The following ST3GAL1 variants were observed in gnomAD, a reference collection of about 807,000 sequenced individuals.
ST3GAL1 encodes the protein CMP-N-acetylneuraminate-beta-galactosamide-alpha-2,3-sialyltransferase 1.
A neutral mutation model predicts 34.1 loss-of-function variants in ST3GAL1; 16 were observed. The ratio of observed to expected loss-of-function variants is 0.47; its 90% CI spans 0.32 to 0.71. The LOEUF (loss-of-function observed/expected upper bound fraction) is 0.71, where lower values mean the gene tolerates loss of function less well. Among genes scored for constraint, ST3GAL1 ranks in the 30% least tolerant of loss-of-function variants. The pLI, the probability that ST3GAL1 is intolerant of heterozygous loss-of-function variation, is 0.04. For missense variants in ST3GAL1, 353 were observed against 447.4 expected (o/e 0.79, Z 1.90); for synonymous variants, 191 against 184.7 (o/e 1.03, Z -0.28).
Position 133,462,005 on chromosome 8 carries a change from G to A in ST3GAL1, c.730-11C>T. On this transcript the variant is annotated splice_polypyrimidine_tract_variant and intron_variant, in intron 8 of 9. Coordinates refer to ENST00000522652, the MANE Select transcript of ST3GAL1 (RefSeq NM_173344.3). Reference sequence around the variant, plus strand: ...GTGGTAGATCAGGATCTGCGGGGATGGGAAGACACGGCCCTTAGTGAGTTC... The same window carrying A: ...GTGGTAGATCAGGATCTGCGGGGATAGGAAGACACGGCCCTTAGTGAGTTC... 1 of 1,614,042 alleles carries A rather than the reference G, an allele frequency of 6.2e-7. No individual in the cohort carries two copies. Among genetic ancestry groups the A allele is most frequent in the South Asian group, 1.1e-5 (1 of 91,078 alleles).
intron 5 of ST3GAL1, among the ~76,000 whole-genome samples, chr8:133,475,208 G>A (rs961474595): frequency 6.6e-6 from 1 of 152,236 alleles, no homozygotes. Context: ...GCAGAGGCTG[G>A]ACTGCTGCAG....
chr8:133,554,421 G>A (rs1012314967), intron 1 of ST3GAL1, among the ~76,000 whole-genome samples: 10 of 152,152 alleles, frequency 6.6e-5, no homozygotes, highest in African/African-American at 1.4e-4. Context: ...TCCTACACTC[G>A]ACAGTGGGAT....
At chr8:133,518,875 G>A (rs1041948417) in intron 2 of ST3GAL1, among the ~76,000 whole-genome samples, 3 of 152,326 alleles carry the variant, frequency 2.0e-5, no homozygotes, top group East Asian at 1.9e-4. Flanking sequence ...AGGCCACAGA[G>A]CCTGTAGGTG....
intron 3 of ST3GAL1, among the ~76,000 whole-genome samples, chr8:133,490,113 T>C (rs1401151867): frequency 6.6e-6 from 1 of 152,252 alleles, no homozygotes; most frequent in South Asian, 2.1e-4. Context: ...GAGAAGGAAG[T>C]TGGGCTTTGA....
At chr8:133,487,711 G>A (rs796368599) in intron 3 of ST3GAL1, among the ~76,000 whole-genome samples, 4 of 152,236 alleles carry the variant, frequency 2.6e-5, no homozygotes, top group Non-Finnish European at 4.4e-5. Flanking sequence ...GCTCATGCCT[G>A]TAATCCCAGC....
In ST3GAL1 at chr8:133,530,663, A is replaced by G. The variant is rs113942400; in HGVS notation, c.-429+15111T>C. On this transcript the variant is annotated intron_variant, in intron 2 of 9. Transcript: ENST00000522652. ...TTTTGTTGTTGTTGTTCTTGAACCT[A>G]TGAGAGTTTTCAAAGGCTAAGGGAA... Among the ~76,000 whole-genome samples the G allele has an allele frequency of 8.0e-3, 1,220 of 152,260 alleles. 19 individuals are homozygous for G. The highest frequency in any genetic ancestry group is 0.028 in the African/African-American group (1,167 of 41,546).
intron 2 of ST3GAL1, among the ~76,000 whole-genome samples, chr8:133,503,571 TG>T: frequency 6.6e-6 from 1 of 151,836 alleles, no homozygotes; most frequent in South Asian, 2.1e-4. Flanking sequence ...CCACCCTAGC[TG>T]GGCCAATTGT....
In ST3GAL1 at chr8:133,483,982, AG is replaced by A. The variant is rs1236691231; in HGVS notation, c.-373-7383del. Among the ~76,000 whole-genome samples, 25 of 152,364 alleles carry A rather than the reference AG, an allele frequency of 1.6e-4. No homozygotes were observed. In the South Asian group the frequency reaches 3.5e-3, roughly 21 times the overall value. On this transcript the variant is annotated intron_variant, in intron 3 of 9. Transcript: ENST00000522652. ...GATGCATTGTCTTCTGAAGTATCCA[AG>A]ATTTACACATCCGCAGGAAAGCCTG...
At chr8:133,510,133 C>T (rs1419128951) in intron 2 of ST3GAL1, among the ~76,000 whole-genome samples, 2 of 152,092 alleles carry the variant, frequency 1.3e-5, no homozygotes, top group Admixed American at 6.5e-5. Flanking sequence ...CCCTGGTTTC[C>T]CGCTGTCCCT....
At chr8:133,536,019 G>C (rs552656493) in intron 2 of ST3GAL1, among the ~76,000 whole-genome samples, 6 of 152,304 alleles carry the variant, frequency 3.9e-5, no homozygotes, top group Admixed American at 3.3e-4. Flanking sequence ...CAATCCTGGA[G>C]TTTGGTGCTG....
chr8:133,457,872 A>T lies in ST3GAL1; in HGVS notation c.*1892T>A, dbSNP rs1815360251. ...GGAGCACAGGCCCCATGCCTCCGTCACACTCCACCAGGAAAAAGTCACGCC... is the reference window on the plus strand; with the variant it reads ...GGAGCACAGGCCCCATGCCTCCGTCTCACTCCACCAGGAAAAAGTCACGCC... On this transcript the variant is annotated 3_prime_UTR_variant, in exon 10 of 10. Transcript: ENST00000522652. The T allele has an allele frequency of 6.6e-6, 1 of 152,336 alleles. No homozygotes were observed. Among genetic ancestry groups the T allele is most frequent in the East Asian group, 1.9e-4 (1 of 5,184 alleles). 9.4% of individuals were successfully genotyped at this position (152,336 alleles called of 1,614,324 possible).
rs768832039 is a variant in ST3GAL1, at chr8:133,475,866, C to T, written c.159G>A (p.Leu53=). Residue 53 remains leucine, a synonymous_variant, in exon 5 of 10, where the codon CTG becomes CTA. Coordinates refer to ENST00000522652, the MANE Select transcript of ST3GAL1 (RefSeq NM_173344.3). ...TGCAGGTGCAAGGCCTGTGCTTGAT[C>T]AGTCTCTTCAGGTTCTCGGAGAGCT... ...VLELSENLKR[L]IKHRPCTCTH... is the part of the protein sequence containing the mutation. 1 of 1,614,144 alleles carries T rather than the reference C, an allele frequency of 6.2e-7. No individual in the cohort carries two copies. Among genetic ancestry groups the T allele is most frequent in the Non-Finnish European group, 8.5e-7 (1 of 1,180,040 alleles).
intron 2 of ST3GAL1, among the ~76,000 whole-genome samples, chr8:133,515,190 G>C (rs932214300): frequency 6.6e-6 from 1 of 152,182 alleles, no homozygotes; most frequent in Non-Finnish European, 1.5e-5. Context: ...AAGAGAGCTC[G>C]CTCCCATGCC....
At chr8:133,558,239 A>G (rs978457948) in intron 1 of ST3GAL1, among the ~76,000 whole-genome samples, 1 of 152,240 alleles carries the variant, frequency 6.6e-6, no homozygotes, top group African/African-American at 2.4e-5. Context: ...GTAATTGATG[A>G]TGATGTGTTG....
At chr8:133,498,025 G>A (rs1817021994) in intron 3 of ST3GAL1, among the ~76,000 whole-genome samples, 1 of 152,226 alleles carries the variant, frequency 6.6e-6, no homozygotes, top group Non-Finnish European at 1.5e-5. Context: ...CTCACTCACT[G>A]CATTCACGTT....
At chr8:133,489,605 A>T (rs1021884698) in intron 3 of ST3GAL1, 1 of 152,148 alleles carries the variant, frequency 6.6e-6, no homozygotes, top group Non-Finnish European at 1.5e-5. Flanking sequence ...GCACCAGGGG[A>T]TCCCTTGCAC....
At chr8:133,523,013 G>A (rs1212110141) in intron 2 of ST3GAL1, among the ~76,000 whole-genome samples, 1 of 152,128 alleles carries the variant, frequency 6.6e-6, no homozygotes, top group Admixed American at 6.5e-5. Flanking sequence ...CATTCAGCAC[G>A]GTGTTTCTAA....
intron 2 of ST3GAL1, among the ~76,000 whole-genome samples, chr8:133,519,944 T>C (rs1201995407): frequency 3.3e-5 from 5 of 152,150 alleles, no homozygotes; most frequent in Non-Finnish European, 7.3e-5. Context: ...AGTGAGACTC[T>C]GTCTCAAAAA....
At chr8:133,506,743 C>A in intron 2 of ST3GAL1, among the ~76,000 whole-genome samples, 1 of 151,748 alleles carries the variant, frequency 6.6e-6, no homozygotes, top group Non-Finnish European at 1.5e-5. Context: ...CGAGATCGTG[C>A]CATTGCACTC....
Sources: allele counts gnomAD v4.1 joint callset (sites outside exome capture counted in the v4.1 genomes callset), GRCh38; gene constraint gnomAD v4.1.1; transcripts MANE v1.5; gene names NCBI Gene and HGNC (gene_info 2026-07-23, HGNC 2026-07-21).